The following DLG2 variants were observed in gnomAD, a reference collection of about 807,000 sequenced individuals.
DLG2 encodes the protein disks large homolog 2.
Under a neutral mutation model 132.5 loss-of-function variants are expected in DLG2, and 45 were observed. The observed-to-expected ratio is 0.34, with a 90% confidence interval of 0.27 to 0.44. The LOEUF (loss-of-function observed/expected upper bound fraction) is 0.44. Among genes scored for constraint, DLG2 ranks in the 20% least tolerant of loss-of-function variants. DLG2 has a pLI of 1.00. For missense variants in DLG2, 1,045 were observed against 1,196.9 expected (o/e 0.87, Z 1.87); for synonymous variants, 424 against 419.6 (o/e 1.01, Z -0.13).
chr11:83,758,046 G>C (rs1444896748), intron 18 of DLG2, among the ~76,000 whole-genome samples: 5 of 152,192 alleles, frequency 3.3e-5, no homozygotes, highest in African/African-American at 1.2e-4. Context: ...TTATATGGAA[G>C]TAATCATACA....
At chr11:84,540,724 A>G (rs1332858412) in intron 6 of DLG2, among the ~76,000 whole-genome samples, 1 of 152,196 alleles carries the variant, frequency 6.6e-6, no homozygotes, top group African/African-American at 2.4e-5. Flanking sequence ...TCATGCTGCT[A>G]TAAAGACACA....
At chr11:84,696,995 A>G (rs1162559538) in intron 6 of DLG2, among the ~76,000 whole-genome samples, 1 of 151,454 alleles carries the variant, frequency 6.6e-6, no homozygotes, top group African/African-American at 2.4e-5. Flanking sequence ...CAGGAGAACT[A>G]GGTACCTCAG....
At chr11:84,678,655 G>T (rs966231301) in intron 6 of DLG2, among the ~76,000 whole-genome samples, 2 of 152,034 alleles carry the variant, frequency 1.3e-5, no homozygotes, top group Non-Finnish European at 2.9e-5. Flanking sequence ...TGAAAAGTTT[G>T]TAGCTTCTAT....
At chr11:85,512,596 A>G (rs2094098498) in intron 3 of DLG2, among the ~76,000 whole-genome samples, 1 of 152,096 alleles carries the variant, frequency 6.6e-6, no homozygotes, top group South Asian at 2.1e-4. Flanking sequence ...TTAATAAATC[A>G]GTCTCCTAGC....
chr11:85,135,726 A>T (rs2076097344), intron 5 of DLG2, among the ~76,000 whole-genome samples: 1 of 152,252 alleles, frequency 6.6e-6, no homozygotes, highest in Non-Finnish European at 1.5e-5. Context: ...TGCACTCCTT[A>T]AAGATAGTTT....
rs117606384 is a variant in DLG2 at position 84,504,160 on chromosome 11, C to T, written c.519+30410G>A. On this transcript the variant is annotated intron_variant, in intron 7 of 27. Coordinates refer to ENST00000376104, the MANE Select transcript of DLG2 (RefSeq NM_001142699.3). ...AAGAAGTAATATTACTCTAATTTTA[C>T]ACCTAAGAAAACTAAAGCTCAGAGA... Among the ~76,000 whole-genome samples the T allele has an allele frequency of 2.6e-5, 4 of 152,286 alleles. No homozygotes were observed. The East Asian group carries it at 7.7e-4, about 29-fold the overall frequency.
intron 10 of DLG2, among the ~76,000 whole-genome samples, chr11:84,088,874 G>C (rs1275113229): frequency 6.6e-6 from 1 of 152,134 alleles, no homozygotes; most frequent in Non-Finnish European, 1.5e-5. Context: ...TCTCATGAAG[G>C]TCTTCCTGTT....
At chr11:84,623,382 C>A (rs1435301960) in intron 6 of DLG2, among the ~76,000 whole-genome samples, 1 of 152,170 alleles carries the variant, frequency 6.6e-6, no homozygotes, top group Non-Finnish European at 1.5e-5. Context: ...TCCATGAAAC[C>A]TTCCCAGACC....
At chr11:83,503,554 CA>C (rs1565513596) in intron 21 of DLG2, among the ~76,000 whole-genome samples, 1 of 151,270 alleles carries the variant, frequency 6.6e-6, no homozygotes, top group African/African-American at 2.4e-5. Flanking sequence ...GTCCAAGTCC[CA>C]AAACTGAAGA....
intron 6 of DLG2, among the ~76,000 whole-genome samples, chr11:85,090,921 C>A (rs2154175969): frequency 6.6e-6 from 1 of 152,276 alleles, no homozygotes; most frequent in East Asian, 1.9e-4. Flanking sequence ...CCATTTATGG[C>A]AGAAGACAAA....
intron 3 of DLG2, among the ~76,000 whole-genome samples, chr11:85,411,795 C>CA (rs975150251): frequency 5.1e-4 from 77 of 151,714 alleles, no homozygotes; most frequent in African/African-American, 1.8e-3. Context: ...AATTCCAATA[C>CA]AAAAAATAGC....
chr11:85,438,941 T>C (rs956253426), intron 3 of DLG2, among the ~76,000 whole-genome samples: 2 of 152,210 alleles, frequency 1.3e-5, no homozygotes, highest in African/African-American at 2.4e-5. Flanking sequence ...AATCATATAT[T>C]ATGTAACCTT....
intron 6 of DLG2, chr11:84,720,563 G>T: frequency 3.6e-6 from 3 of 844,834 alleles, no homozygotes; most frequent in Non-Finnish European, 4.3e-6. Context: ...GGCAAGTACC[G>T]AGCCTCTCGG....
intron 6 of DLG2, among the ~76,000 whole-genome samples, chr11:84,584,724 T>C (rs890804761): frequency 1.5e-5 from 2 of 133,148 alleles, no homozygotes; most frequent in Non-Finnish European, 3.1e-5. Flanking sequence ...AGTCTCGCTC[T>C]GTCGCCCAGG....
At chr11:83,876,745 T>C (rs1423429653) in intron 15 of DLG2, among the ~76,000 whole-genome samples, 4 of 152,134 alleles carry the variant, frequency 2.6e-5, no homozygotes, top group Non-Finnish European at 5.9e-5. Flanking sequence ...GGGTGTACTT[T>C]CCATTCTATC....
At chr11:85,366,778 G>C (rs1170810960) in intron 3 of DLG2, among the ~76,000 whole-genome samples, 1 of 152,020 alleles carries the variant, frequency 6.6e-6, no homozygotes, top group Non-Finnish European at 1.5e-5. Flanking sequence ...CACCAACAGG[G>C]AACAAATGTT....
chr11:85,584,276 A>G (rs761721019), intron 3 of DLG2, among the ~76,000 whole-genome samples: 1 of 151,072 alleles, frequency 6.6e-6, no homozygotes, highest in African/African-American at 2.4e-5. Flanking sequence ...ATGGTCTCCA[A>G]CCCCATCCAG....
At chr11:84,034,143 TTCAGCAACCACCACCCTGATCAG>T in intron 11 of DLG2, among the ~76,000 whole-genome samples, 1 of 151,990 alleles carries the variant, frequency 6.6e-6, no homozygotes, top group East Asian at 1.9e-4. Flanking sequence ...CACCCCATCT[TTCAGCAACCACCACCCTGATCAG>T]TCAGCAGCCA....
intron 6 of DLG2, among the ~76,000 whole-genome samples, chr11:85,109,125 C>A (rs1435597019): frequency 6.6e-6 from 1 of 152,044 alleles, no homozygotes; most frequent in Non-Finnish European, 1.5e-5. Flanking sequence ...CAGTCCTGGC[C>A]AAGGGCAGGC....
Sources: gnomAD v4.1 joint callset for allele counts (sites outside exome capture counted in the v4.1 genomes callset) on GRCh38, gnomAD v4.1.1 for gene constraint, MANE v1.5 for transcripts, NCBI Gene and HGNC (gene_info 2026-07-23, HGNC 2026-07-21) for gene names.